SMIM31: variants seen among roughly 807,000 people sequenced by gnomAD.
The protein encoded by SMIM31 is human epithelial cell program regulator.
At chr4:164,793,896 T>C (rs1443750189) in intron 2 of SMIM31, among the ~76,000 whole-genome samples, 1 of 152,112 alleles carries the variant, frequency 6.6e-6, no homozygotes, top group African/African-American at 2.4e-5. Context: ...AATATAAAAC[T>C]TCTGGAACAA....
intron 2 of SMIM31, among the ~76,000 whole-genome samples, chr4:164,795,558 C>CAAAAAA (rs60083689): frequency 1.3e-5 from 1 of 76,958 alleles, no homozygotes. Flanking sequence ...TACTCCATCT[C>CAAAAAA]AAAAAAAAAA....
chr4:164,777,947 A>G (rs1732898269), intron 2 of SMIM31, among the ~76,000 whole-genome samples: 1 of 152,270 alleles, frequency 6.6e-6, no homozygotes, highest in Non-Finnish European at 1.5e-5. Flanking sequence ...CAAAGGCCCT[A>G]CAGCACTACA....
chr4:164,765,728 G>A (rs1011393574), intron 1 of SMIM31, among the ~76,000 whole-genome samples: 4 of 152,004 alleles, frequency 2.6e-5, no homozygotes, highest in African/African-American at 9.7e-5. Flanking sequence ...TTGAAGGCAA[G>A]GGGGGAGTGG....
chr4:164,774,107 C>A (rs547476084), intron 2 of SMIM31, among the ~76,000 whole-genome samples: 6 of 148,540 alleles, frequency 4.0e-5, no homozygotes, highest in Non-Finnish European at 5.9e-5. Context: ...TGGAGCATGC[C>A]GTGAGCTGAG....
chr4:164,759,533 G>A (rs906511013), intron 1 of SMIM31, among the ~76,000 whole-genome samples: 4 of 152,116 alleles, frequency 2.6e-5, no homozygotes, highest in African/African-American at 4.8e-5. Flanking sequence ...GGTATGACTC[G>A]AATGGGTAAG....
At chr4:164,777,595 TAA>T (rs1162375408) in intron 2 of SMIM31, among the ~76,000 whole-genome samples, 1 of 152,176 alleles carries the variant, frequency 6.6e-6, no homozygotes, top group Non-Finnish European at 1.5e-5. Context: ...TAGGAAGTGA[TAA>T]AATGTAAGTG....
chr4:164,775,888 G>T (rs10155303), intron 2 of SMIM31, among the ~76,000 whole-genome samples: 77,231 of 151,958 alleles, frequency 0.51, 19,954 homozygotes, highest in South Asian at 0.62. Context: ...GCAGCTGAAA[G>T]GAAAGTTTCA....
chr4:164,797,587 C>T (rs973704448), intron 2 of SMIM31, among the ~76,000 whole-genome samples: 8 of 151,624 alleles, frequency 5.3e-5, no homozygotes, highest in East Asian at 1.9e-4. Flanking sequence ...CCTCAGCCTC[C>T]TGAGTGGCTG....
rs933536107 is a variant in SMIM31 at position 164,768,104 on chromosome 4, G to A, written c.-25-2315G>A. ...CAAAAAATTCGCTGGGCGTAACAGT[G>A]CATGCCTGTAGCCCCCAGCTATTCT... On this transcript the variant is annotated intron_variant, in intron 1 of 2. Transcript: ENST00000507311. Among the ~76,000 whole-genome samples, 8 of 151,874 alleles carry A rather than the reference G, an allele frequency of 5.3e-5. No homozygotes were observed. In the South Asian group the frequency reaches 1.5e-3, roughly 28 times the overall value.
At chr4:164,780,338 A>G (rs1299117040) in intron 2 of SMIM31, among the ~76,000 whole-genome samples, 1 of 152,164 alleles carries the variant, frequency 6.6e-6, no homozygotes, top group Admixed American at 6.5e-5. Flanking sequence ...GAGGCAGGAG[A>G]ACTGCTTGAA....
intron 2 of SMIM31, among the ~76,000 whole-genome samples, chr4:164,779,412 A>C (rs763987719): frequency 6.6e-6 from 1 of 152,224 alleles, no homozygotes; most frequent in Non-Finnish European, 1.5e-5. Context: ...TCTTCTTCGT[A>C]AAAGTGAGGA....
intron 1 of SMIM31, among the ~76,000 whole-genome samples, chr4:164,761,654 C>A (rs1732651458): frequency 6.6e-6 from 1 of 152,018 alleles, no homozygotes; most frequent in African/African-American, 2.4e-5. Context: ...CACTGTGGCT[C>A]ACGCCTGCAA....
chr4:164,763,320 A>G (rs999137579), intron 1 of SMIM31, among the ~76,000 whole-genome samples: 1 of 152,196 alleles, frequency 6.6e-6, no homozygotes, highest in East Asian at 1.9e-4. Context: ...TATAATCACA[A>G]AAATAACTGG....
intron 2 of SMIM31, among the ~76,000 whole-genome samples, chr4:164,782,342 C>A (rs1460121170): frequency 5.4e-5 from 8 of 149,266 alleles, no homozygotes; most frequent in Non-Finnish European, 3.0e-5. Flanking sequence ...TGAATTTTTA[C>A]AAACCTATAA....
intron 1 of SMIM31, among the ~76,000 whole-genome samples, chr4:164,759,387 G>A (rs146356801): frequency 3.3e-4 from 50 of 152,110 alleles, no homozygotes; most frequent in South Asian, 6.2e-4. Flanking sequence ...ATTTTGTGAG[G>A]TCCTACAATG....
intron 1 of SMIM31, among the ~76,000 whole-genome samples, chr4:164,759,864 T>G (rs1045127852): frequency 1.3e-5 from 2 of 152,212 alleles, no homozygotes; most frequent in Non-Finnish European, 2.9e-5. Context: ...AGGTAATAAT[T>G]GCTTTGCAAA....
intron 2 of SMIM31, among the ~76,000 whole-genome samples, chr4:164,790,297 T>C (rs1428641239): frequency 6.6e-6 from 1 of 150,398 alleles, no homozygotes; most frequent in Non-Finnish European, 1.5e-5. Context: ...TGATACTGTA[T>C]TTTTTTAAAA....
At chr4:164,791,673 T>A (rs1466335497) in intron 2 of SMIM31, among the ~76,000 whole-genome samples, 2 of 152,226 alleles carry the variant, frequency 1.3e-5, no homozygotes, top group African/African-American at 4.8e-5. Flanking sequence ...AGACATTTTG[T>A]TGTCAATAAT....
At chr4:164,772,671 C>A (rs1022725105) in intron 2 of SMIM31, among the ~76,000 whole-genome samples, 4 of 151,428 alleles carry the variant, frequency 2.6e-5, no homozygotes, top group Non-Finnish European at 4.4e-5. Flanking sequence ...CTCCGCCTCC[C>A]GGGTTCACGC....
Sources: gnomAD v4.1 joint callset for allele counts (sites outside exome capture counted in the v4.1 genomes callset) on GRCh38, gnomAD v4.1.1 for gene constraint, MANE v1.5 for transcripts, NCBI Gene and HGNC (gene_info 2026-07-23, HGNC 2026-07-21) for gene names.